Variants in HKDC1 observed in about 807,000 individuals in gnomAD.
HKDC1 encodes hexokinase HKDC1.
Under a neutral mutation model 96.6 loss-of-function variants are expected in HKDC1, and 66 were observed. The ratio of observed to expected loss-of-function variants is 0.68; its 90% CI spans 0.56 to 0.84. The LOEUF is 0.84. Ranked by LOEUF, HKDC1 falls within the 40% of genes least tolerant of loss-of-function variation. HKDC1 has a pLI of 0.00. For synonymous variants in HKDC1, 466 were observed against 473.1 expected (o/e 0.98, Z 0.20); for missense variants, 1,211 against 1,208.1 (o/e 1.00, Z -0.04).
chr10:69,251,156 G>A (rs1323054348), intron 12 of HKDC1, among the ~76,000 whole-genome samples: 3 of 146,670 alleles, frequency 2.0e-5, no homozygotes, highest in East Asian at 4.0e-4. Context: ...GTGCAAGGGC[G>A]TGATCTCGGC....
chr10:69,241,479 CATTTT>C (rs1477446735), intron 6 of HKDC1, among the ~76,000 whole-genome samples: 1 of 152,014 alleles, frequency 6.6e-6, no homozygotes, highest in Non-Finnish European at 1.5e-5. Context: ...AATGGATGCG[CATTTT>C]ATTTTATTTT....
At chr10:69,265,901 C>T (rs528312630) in intron 17 of HKDC1, 83 bp downstream of exon 17, 32 of 969,910 alleles carry the variant, frequency 3.3e-5, no homozygotes, top group South Asian at 1.5e-4. Flanking sequence ...TCCTGAACTG[C>T]GGCATGGGAA....
intron 2 of HKDC1, 76 bp downstream of exon 2, chr10:69,227,445 C>T: frequency 6.5e-7 from 1 of 1,533,030 alleles, no homozygotes; most frequent in Non-Finnish European, 8.9e-7. Flanking sequence ...AAGGTTTGCC[C>T]CTGTACCTTG....
At chr10:69,266,572 A>G in intron 17 of HKDC1, 38 bp from the exon 18 acceptor site, 14 of 1,603,700 alleles carry the variant, frequency 8.7e-6, no homozygotes, top group African/African-American at 1.3e-5. Context: ...CTGATTCTAC[A>G]TGGAAGGGCT....
Position 69,220,515 on chromosome 10 carries a change from A to C in HKDC1, c.63+17A>C. Reference sequence around the variant, plus strand: ...ATCAAGAAGGTAAGGAGGACCCACGAAGCTGAGAGATGCCCAGCTCCTTCT... The same window carrying C: ...ATCAAGAAGGTAAGGAGGACCCACGCAGCTGAGAGATGCCCAGCTCCTTCT... On this transcript the variant is annotated intron_variant, in intron 1 of 17. Coordinates refer to ENST00000354624, the MANE Select transcript of HKDC1 (RefSeq NM_025130.4). 1.3e-6 allele frequency: 2 copies of C among 1,552,770 alleles called. No homozygotes were observed. The highest frequency in any genetic ancestry group is 1.7e-6 in the Non-Finnish European group (2 of 1,146,974).
intron 4 of HKDC1, among the ~76,000 whole-genome samples, chr10:69,235,350 A>G (rs1843344430): frequency 6.7e-6 from 1 of 149,810 alleles, no homozygotes; most frequent in Non-Finnish European, 1.5e-5. Context: ...TGAACCCACA[A>G]GGTGGAGGTT....
chr10:69,243,493 T>A, intron 7 of HKDC1, 128 bp downstream of exon 7: 5 of 738,054 alleles, frequency 6.8e-6, no homozygotes, highest in Non-Finnish European at 9.7e-6. Flanking sequence ...TCTTTTTTTC[T>A]TTTTCCTTTT....
At chr10:69,241,522 C>T (rs1391863065) in intron 6 of HKDC1, among the ~76,000 whole-genome samples, 6 of 152,104 alleles carry the variant, frequency 3.9e-5, no homozygotes, top group East Asian at 1.9e-4. Context: ...CTTGCTCTGT[C>T]GTCCAGGCTG....
intron 5 of HKDC1, among the ~76,000 whole-genome samples, chr10:69,239,749 T>C (rs72814221): frequency 0.011 from 1,633 of 149,772 alleles, 16 homozygotes; most frequent in Non-Finnish European, 0.018. Flanking sequence ...GCATTTTCCC[T>C]TATTGTTTTC....
At chr10:69,248,763 T>C (rs1473911423) in intron 10 of HKDC1, 35 bp downstream of exon 10, 2 of 1,535,778 alleles carry the variant, frequency 1.3e-6, no homozygotes, top group Non-Finnish European at 1.8e-6. Context: ...TGAACAGCCA[T>C]CCAGGGCTCC....
In HKDC1 at chr10:69,247,533, A is replaced by G; in HGVS notation, c.1205A>G (p.Lys402Arg). Residue 402 changes from lysine (K) to arginine (R), a missense_variant, in exon 9 of 18, where the codon AAG (lysine) becomes AGG (arginine). By Grantham distance (26) the Lys-to-Arg change is conservative. Coordinates refer to ENST00000354624, the MANE Select transcript of HKDC1 (RefSeq NM_025130.4). ...CTGACACGCCTCCGGGAGAACAAGAAGGTGGAACGGCTCCGGACCACAGTG... is the reference window on the plus strand; with the variant it reads ...CTGACACGCCTCCGGGAGAACAAGAGGGTGGAACGGCTCCGGACCACAGTG... ...AILTRLRENK[K>R]VERLRTTVGM... 1.2e-6 allele frequency: 2 copies of G among 1,614,162 alleles called. No homozygotes were observed. The highest frequency in any genetic ancestry group is 1.3e-5 in the African/African-American group (1 of 75,032).
chr10:69,250,455 T>G lies in HKDC1; in HGVS notation c.1716+20T>G. ...GAGGAGGTAAGTGCCAGGCAAGGCCTTTGGGCTCCGAGGTGCCAGCCTGCC... is the reference window on the plus strand; with the variant it reads ...GAGGAGGTAAGTGCCAGGCAAGGCCGTTGGGCTCCGAGGTGCCAGCCTGCC... On this transcript the variant is annotated intron_variant, in intron 11 of 17. Coordinates refer to ENST00000354624, the MANE Select transcript of HKDC1 (RefSeq NM_025130.4). 6.2e-7 allele frequency: 1 copy of G among 1,612,002 alleles called. No individual in the cohort carries two copies. Among genetic ancestry groups the G allele is most frequent in the Non-Finnish European group, 8.5e-7 (1 of 1,178,234 alleles).
Position 69,250,357 on chromosome 10 carries a change from A to T in HKDC1, c.1638A>T (p.Arg546Ser). 2 of 1,614,070 alleles carry T rather than the reference A, an allele frequency of 1.2e-6. No homozygotes were observed. Among genetic ancestry groups the T allele is most frequent in the African/African-American group, 1.3e-5 (1 of 75,030 alleles). The change falls in exon 11 of 18, where the codon AGA becomes AGT. Residue 546 changes from arginine (R) to serine (S), a missense_variant. Physicochemically the swap from Arg to Ser is moderately radical, Grantham distance 110. Transcript: ENST00000354624. ...TNFRVLLVKI[R>S]SGRRSVRMYN... Reference sequence around the variant, plus strand: ...TCCGGGTCCTCCTGGTGAAGATCAGAAGTGGACGGAGGTCAGTGCGAATGT... The same window carrying T: ...TCCGGGTCCTCCTGGTGAAGATCAGTAGTGGACGGAGGTCAGTGCGAATGT...
intron 8 of HKDC1, among the ~76,000 whole-genome samples, chr10:69,246,546 G>A (rs766882731): frequency 3.9e-5 from 6 of 152,154 alleles, no homozygotes; most frequent in Non-Finnish European, 7.3e-5. Context: ...CTTTATTCAG[G>A]TTCTAGACCC....
chr10:69,226,162 C>G (rs1423905625), intron 1 of HKDC1, among the ~76,000 whole-genome samples: 1 of 152,170 alleles, frequency 6.6e-6, no homozygotes. Flanking sequence ...GCTGCCGTCC[C>G]TGATGTGACA....
intron 15 of HKDC1, among the ~76,000 whole-genome samples, chr10:69,259,572 A>T (rs1433864679): frequency 6.6e-6 from 1 of 152,230 alleles, no homozygotes; most frequent in African/African-American, 2.4e-5. Context: ...ATATTAGTCC[A>T]TTCTCCCGTT....
chr10:69,267,234 T>C lies in HKDC1; in HGVS notation c.*477T>C. 1 of 311,742 alleles carries C rather than the reference T, an allele frequency of 3.2e-6. No homozygotes were observed. Among genetic ancestry groups the C allele is most frequent in the Non-Finnish European group, 6.2e-6 (1 of 161,764 alleles). The allele number at this position is 311,742 out of a possible 1,614,324, so 19.3% of individuals were successfully genotyped here. The stretch of plus-strand genomic sequence containing the variant: ...CACGTTATGAACTAGGGGGATCTCA[T>C]CTAACTTGTCCTTAACTTGCCATGT... On this transcript the variant is annotated 3_prime_UTR_variant, in exon 18 of 18. Coordinates refer to ENST00000354624, the MANE Select transcript of HKDC1 (RefSeq NM_025130.4).
intron 10 of HKDC1, 79 bp from the exon 11 acceptor site, chr10:69,250,211 C>A: frequency 6.6e-7 from 1 of 1,515,092 alleles, no homozygotes; most frequent in Non-Finnish European, 9.0e-7. Context: ...GTCCGCTCTG[C>A]TCCGACGTCT....
intron 16 of HKDC1, among the ~76,000 whole-genome samples, chr10:69,264,911 C>G (rs1335550264): frequency 2.6e-5 from 4 of 152,184 alleles, no homozygotes; most frequent in Non-Finnish European, 5.9e-5. Flanking sequence ...TTGAAGCCAG[C>G]CTGCCCCTAT....
Sources: gnomAD v4.1 joint callset for allele counts (sites outside exome capture counted in the v4.1 genomes callset) on GRCh38, gnomAD v4.1.1 for gene constraint, MANE v1.5 for transcripts, NCBI Gene and HGNC (gene_info 2026-07-23, HGNC 2026-07-21) for gene names.